SIAH3: variants seen among roughly 807,000 people sequenced by gnomAD.
SIAH3 encodes seven in absentia homolog 3.
Under a neutral mutation model 12.6 loss-of-function variants are expected in SIAH3, and 9 were observed. That is an observed-to-expected ratio of 0.72 (90% CI 0.43 to 1.25). The LOEUF is 1.25. SIAH3 is among the 50% of genes most tolerant of loss of function. The pLI, the probability that SIAH3 is intolerant of heterozygous loss-of-function variation, is 0.00. For missense variants in SIAH3, 390 were observed against 365.4 expected (o/e 1.07, Z -0.55); for synonymous variants, 154 against 151.1 (o/e 1.02, Z -0.14).
At chr13:45,834,838 C>T (rs532554168) in intron 1 of SIAH3, among the ~76,000 whole-genome samples, 46 of 152,148 alleles carry the variant, frequency 3.0e-4, no homozygotes, top group Non-Finnish European at 5.1e-4. Context: ...ACTGCTAAAC[C>T]TCTCTGGGCC....
chr13:45,845,964 A>G (rs1950758237), intron 1 of SIAH3, among the ~76,000 whole-genome samples: 1 of 151,546 alleles, frequency 6.6e-6, no homozygotes. Flanking sequence ...CAGGAAGGGG[A>G]CCCTTGCAAG....
chr13:45,798,072 G>GAA lies in SIAH3; in HGVS notation c.136-14017_136-14016dup, dbSNP rs565797331. Among the ~76,000 whole-genome samples the GAA allele has an allele frequency of 3.3e-5, 5 of 152,242 alleles. No homozygotes were observed. The South Asian group carries it at 1.0e-3, about 32-fold the overall frequency. On this transcript the variant is annotated intron_variant, in intron 1 of 1. Transcript: ENST00000400405. The stretch of plus-strand genomic sequence containing the variant: ...GAGGAAATTCTTAAGCAGAAAATGG[G>GAA]AAGTTTATCTTCTTTCTTTTAACAG...
At chr13:45,798,515 CT>C (rs1950570663) in intron 1 of SIAH3, among the ~76,000 whole-genome samples, 1 of 152,192 alleles carries the variant, frequency 6.6e-6, no homozygotes. Flanking sequence ...GGATGGTATC[CT>C]GTCCAGTATC....
At chr13:45,851,347 A>G in intron 1 of SIAH3, 148 bp downstream of exon 1, 1 of 1,020,556 alleles carries the variant, frequency 9.8e-7, no homozygotes, top group Non-Finnish European at 1.5e-6. Context: ...GAGTGAGCCG[A>G]GGCAAACACG....
At chr13:45,830,952 G>C (rs1950696476) in intron 1 of SIAH3, among the ~76,000 whole-genome samples, 1 of 152,136 alleles carries the variant, frequency 6.6e-6, no homozygotes, top group Non-Finnish European at 1.5e-5. Context: ...GCTGAGGCAG[G>C]CGGATCACCT....
chr13:45,849,978 A>G (rs1420323374), intron 1 of SIAH3, among the ~76,000 whole-genome samples: 1 of 152,268 alleles, frequency 6.6e-6, no homozygotes, highest in African/African-American at 2.4e-5. Flanking sequence ...TTTAATGTGC[A>G]TACTACATAC....
chr13:45,817,773 T>C (rs572001581), intron 1 of SIAH3, among the ~76,000 whole-genome samples: 12 of 152,348 alleles, frequency 7.9e-5, no homozygotes, highest in Admixed American at 7.8e-4. Context: ...TATGTATACA[T>C]GTATTTTACT....
chr13:45,831,225 AAAT>A (rs1950698108), intron 1 of SIAH3, among the ~76,000 whole-genome samples: 2 of 150,726 alleles, frequency 1.3e-5, no homozygotes, highest in East Asian at 3.9e-4. Context: ...TAAATAAATA[AAAT>A]AAAAAAATGA....
At chr13:45,831,655 G>C (rs1342354354) in intron 1 of SIAH3, among the ~76,000 whole-genome samples, 1 of 152,174 alleles carries the variant, frequency 6.6e-6, no homozygotes, top group Non-Finnish European at 1.5e-5. Flanking sequence ...ACATCACACT[G>C]TTTCAGACAG....
intron 1 of SIAH3, among the ~76,000 whole-genome samples, chr13:45,784,814 C>T (rs954370890): frequency 3.9e-5 from 6 of 152,188 alleles, no homozygotes; most frequent in African/African-American, 1.4e-4. Context: ...CACAAGTGCC[C>T]CCCAAAACAC....
At chr13:45,801,101 G>GT (rs1555257360) in intron 1 of SIAH3, among the ~76,000 whole-genome samples, 3,843 of 79,378 alleles carry the variant, frequency 0.048, 183 homozygotes, top group African/African-American at 0.13. Flanking sequence ...GTGGCGGGGG[G>GT]GGGCATGGCT....
At chr13:45,833,655 C>A (rs141723946) in intron 1 of SIAH3, among the ~76,000 whole-genome samples, 1 of 152,164 alleles carries the variant, frequency 6.6e-6, no homozygotes, top group Non-Finnish European at 1.5e-5. Context: ...TCGATCCTCA[C>A]GATAAACCAT....
At chr13:45,843,884 A>G (rs1950749492) in intron 1 of SIAH3, among the ~76,000 whole-genome samples, 1 of 152,226 alleles carries the variant, frequency 6.6e-6, no homozygotes, top group Non-Finnish European at 1.5e-5. Flanking sequence ...CAAAAGATGC[A>G]GTCCCAAACA....
intron 1 of SIAH3, among the ~76,000 whole-genome samples, chr13:45,838,547 G>C (rs2137581393): frequency 6.6e-6 from 1 of 152,020 alleles, no homozygotes; most frequent in Non-Finnish European, 1.5e-5. Context: ...CCTGCCCCAA[G>C]TGCCCCCAGG....
At position 45,779,779 on chromosome 13, in the gene SIAH3, T is replaced by A. The variant is rs1448678718; in HGVS notation, c.*3604A>T. The A allele has an allele frequency of 6.6e-6, 1 of 152,248 alleles. No individual in the cohort carries two copies. Among genetic ancestry groups the A allele is most frequent in the African/African-American group, 2.4e-5 (1 of 41,468 alleles). The allele number at this position is 152,248 out of a possible 1,614,324, so 9.4% of individuals were successfully genotyped here. Reference sequence around the variant, plus strand: ...GTGGTAGCCATGAGTACTATTATGGTTACTATGCTGATCTATTCCTAAAAT... The same window carrying A: ...GTGGTAGCCATGAGTACTATTATGGATACTATGCTGATCTATTCCTAAAAT... On this transcript the variant is annotated 3_prime_UTR_variant, in exon 2 of 2. Transcript: ENST00000400405.
chr13:45,828,528 A>G (rs890172880), intron 1 of SIAH3, among the ~76,000 whole-genome samples: 12 of 152,224 alleles, frequency 7.9e-5, no homozygotes, highest in African/African-American at 2.9e-4. Context: ...AGGAAGGCAT[A>G]ATTCACTATT....
At chr13:45,789,622 C>T (rs1950539786) in intron 1 of SIAH3, among the ~76,000 whole-genome samples, 1 of 152,132 alleles carries the variant, frequency 6.6e-6, no homozygotes, top group African/African-American at 2.4e-5. Flanking sequence ...GGCCGGGCTG[C>T]TCTTGAAGTC....
At chr13:45,789,981 C>T (rs1950540934) in intron 1 of SIAH3, among the ~76,000 whole-genome samples, 1 of 152,156 alleles carries the variant, frequency 6.6e-6, no homozygotes, top group African/African-American at 2.4e-5. Flanking sequence ...GGTTTTCGAG[C>T]TGTAAAGATT....
chr13:45,845,730 T>G (rs575587571), intron 1 of SIAH3, among the ~76,000 whole-genome samples: 99 of 152,334 alleles, frequency 6.5e-4, no homozygotes, highest in Non-Finnish European at 1.2e-3. Context: ...TTTTTTTCCA[T>G]AATTATATTT....
Sources: allele counts gnomAD v4.1 joint callset (sites outside exome capture counted in the v4.1 genomes callset), GRCh38; gene constraint gnomAD v4.1.1; transcripts MANE v1.5; gene names NCBI Gene and HGNC (gene_info 2026-07-23, HGNC 2026-07-21).